Variants in SAMSN1 observed in about 807,000 individuals in gnomAD.
SAMSN1 encodes SAM domain, SH3 domain and nuclear localization signals 1.
Under a neutral mutation model 42.0 loss-of-function variants are expected in SAMSN1, and 31 were observed. The observed-to-expected ratio is 0.74, with a 90% CI of 0.55 to 1.00. The LOEUF (loss-of-function observed/expected upper bound fraction) is 1.00, where lower values mean the gene tolerates loss of function less well. Ranked by LOEUF, SAMSN1 falls within the 50% of genes least tolerant of loss-of-function variation. SAMSN1 has a pLI of 0.00. For missense variants in SAMSN1, 464 were observed against 439.4 expected, an observed-to-expected ratio of 1.06 and a Z score of -0.50; for synonymous variants, 178 against 151.9, an observed-to-expected ratio of 1.17 and a Z score of -1.26.
chr21:14,637,789 A>T (rs1415980911), intron 2 of SAMSN1, among the ~76,000 whole-genome samples: 1 of 152,218 alleles, frequency 6.6e-6, no homozygotes, highest in African/African-American at 2.4e-5. Context: ...TATCCAACTC[A>T]TTTTAAATGT....
At chr21:14,538,712 C>T (rs1259256292) in intron 1 of SAMSN1, among the ~76,000 whole-genome samples, 2 of 152,142 alleles carry the variant, frequency 1.3e-5, no homozygotes, top group East Asian at 3.8e-4. Flanking sequence ...GAAAACAGCT[C>T]ATAATCAACT....
chr21:14,493,112 G>GGGCAGGCAGGCA (rs762533564), intron 7 of SAMSN1, among the ~76,000 whole-genome samples: 114 of 152,200 alleles, frequency 7.5e-4, no homozygotes, highest in Admixed American at 1.2e-3. Context: ...GCATCGACTT[G>GGGCAGGCAGGCA]GGCAGGCAGG....
At chr21:14,653,989 T>G (rs180951865) in intron 1 of SAMSN1, among the ~76,000 whole-genome samples, 2 of 152,180 alleles carry the variant, frequency 1.3e-5, no homozygotes, top group Admixed American at 1.3e-4. Flanking sequence ...AAATATTATT[T>G]ATTCATTTTT....
intron 1 of SAMSN1, among the ~76,000 whole-genome samples, chr21:14,532,395 C>A (rs1388449082): frequency 6.6e-6 from 1 of 151,966 alleles, no homozygotes; most frequent in African/African-American, 2.4e-5. Context: ...GTATGTCATC[C>A]CAAATAGAGG....
At chr21:14,609,623 A>G (rs764431603) in intron 4 of SAMSN1, 4 of 714,742 alleles carry the variant, frequency 5.6e-6, no homozygotes, top group Non-Finnish European at 5.2e-6. Context: ...TTGTCCAGTA[A>G]GTATAAGACA....
chr21:14,517,998 A>G (rs571370483), intron 2 of SAMSN1, among the ~76,000 whole-genome samples: 1 of 152,290 alleles, frequency 6.6e-6, no homozygotes, highest in East Asian at 1.9e-4. Flanking sequence ...AAGCTCTTCA[A>G]GTGATTCTGA....
chr21:14,500,871 C>A (rs1987125066), intron 5 of SAMSN1, 136 bp from the exon 6 acceptor site: 2 of 728,280 alleles, frequency 2.7e-6, no homozygotes, highest in South Asian at 1.8e-5. Context: ...TCTAAACATT[C>A]ACTTGCTTCA....
At position 14,639,704 on chromosome 21, in the gene SAMSN1, A is replaced by T. The variant is rs1271711639; in HGVS notation, c.156+3298T>A. Reference sequence around the variant, plus strand: ...ACAGAATCAAGCAGTTACAGGCTACATTTAAAATAACATTATGGAGTGATC... The same window carrying T: ...ACAGAATCAAGCAGTTACAGGCTACTTTTAAAATAACATTATGGAGTGATC... On this transcript the variant is annotated intron_variant, in intron 2 of 15. Transcript: ENST00000647101. Among the ~76,000 whole-genome samples the T allele has an allele frequency of 2.6e-5, 4 of 152,110 alleles. No homozygotes were observed. The East Asian group carries it at 7.7e-4, about 29-fold the overall frequency.
At chr21:14,575,710 T>A (rs1981437880) in intron 2 of SAMSN1, among the ~76,000 whole-genome samples, 1 of 152,172 alleles carries the variant, frequency 6.6e-6, no homozygotes, top group Non-Finnish European at 1.5e-5. Context: ...GGTCCAAAAA[T>A]AATACTACTC....
At chr21:14,579,215 C>T (rs921724601) in intron 2 of SAMSN1, among the ~76,000 whole-genome samples, 1 of 152,180 alleles carries the variant, frequency 6.6e-6, no homozygotes, top group African/African-American at 2.4e-5. Flanking sequence ...TGCTCTTGAA[C>T]CCTCTCTCCA....
In SAMSN1 at chr21:14,578,414, G is replaced by A. The variant is rs543799572; in HGVS notation, c.261+3722C>T. Among the ~76,000 whole-genome samples, 7 of 152,088 alleles carry A rather than the reference G, an allele frequency of 4.6e-5. No homozygotes were observed. The South Asian group carries it at 1.5e-3, about 32-fold the overall frequency. On this transcript the variant is annotated intron_variant, in intron 2 of 8. Coordinates refer to the SAMSN1 transcript ENST00000285670. ...TTCCTCAAAGATGAGTTAATTTCAG[G>A]CCACCTAAAAACTCTGATGTAATAA...
chr21:14,494,980 C>T (rs551612561), intron 7 of SAMSN1, among the ~76,000 whole-genome samples: 1 of 152,260 alleles, frequency 6.6e-6, no homozygotes, highest in Non-Finnish European at 1.5e-5. Context: ...GCATGATTAG[C>T]AAAGCAAATC....
chr21:14,575,777 A>C (rs897558694), intron 2 of SAMSN1, among the ~76,000 whole-genome samples: 1 of 152,172 alleles, frequency 6.6e-6, no homozygotes, highest in Non-Finnish European at 1.5e-5. Context: ...CTAAAGCACA[A>C]AGAAAATGAG....
chr21:14,550,911 G>A (rs1980573281), upstream of SAMSN1, among the ~76,000 whole-genome samples: 5 of 152,016 alleles, frequency 3.3e-5, no homozygotes, highest in South Asian at 1.0e-3. Flanking sequence ...AACAAAATAT[G>A]TGTTTAACTA....
At chr21:14,615,464 G>A (rs1331563893) in intron 3 of SAMSN1, among the ~76,000 whole-genome samples, 2 of 152,152 alleles carry the variant, frequency 1.3e-5, no homozygotes, top group African/African-American at 4.8e-5. Context: ...CAACCAATCT[G>A]AAAATTTCCC....
chr21:14,623,089 C>G lies in SAMSN1; in HGVS notation c.157-7073G>C, dbSNP rs180937635. 4.5e-4 allele frequency among the ~76,000 whole-genome samples: 68 copies of G among 152,242 alleles called. No homozygotes were observed. In the East Asian group the frequency reaches 6.4e-3, roughly 14 times the overall value. On this transcript the variant is annotated intron_variant, in intron 2 of 15. Coordinates refer to the SAMSN1 transcript ENST00000647101. Reference sequence around the variant, plus strand: ...AAATGCTGAGAGAATTTGTCACCACCAGGCCTGCCCTACAAGAGCTCCTAA... The same window carrying G: ...AAATGCTGAGAGAATTTGTCACCACGAGGCCTGCCCTACAAGAGCTCCTAA...
chr21:14,613,767 CAG>C (rs1982767291), intron 3 of SAMSN1, among the ~76,000 whole-genome samples: 2 of 151,824 alleles, frequency 1.3e-5, no homozygotes. Context: ...TACAACAAAA[CAG>C]AAAGTATGCA....
intron 1 of SAMSN1, among the ~76,000 whole-genome samples, chr21:14,538,997 A>G (rs1979821853): frequency 6.6e-6 from 1 of 152,226 alleles, no homozygotes; most frequent in South Asian, 2.1e-4. Context: ...AGTAAAGGCC[A>G]AGATGTTCTA....
intron 7 of SAMSN1, among the ~76,000 whole-genome samples, chr21:14,588,735 C>T (rs1002421092): frequency 3.3e-5 from 5 of 151,696 alleles, no homozygotes; most frequent in Non-Finnish European, 7.4e-5. Context: ...CTTGAATGTC[C>T]ATAACTAAGA....
Sources: gnomAD v4.1 joint callset for allele counts (sites outside exome capture counted in the v4.1 genomes callset) on GRCh38, gnomAD v4.1.1 for gene constraint, MANE v1.5 for transcripts, NCBI Gene and HGNC (gene_info 2026-07-23, HGNC 2026-07-21) for gene names.